The following PRKCB variants were observed in gnomAD, a reference collection of about 807,000 sequenced individuals.
PRKCB encodes the protein protein kinase C beta, also known as protein kinase C beta type.
PRKCB carries 13 observed loss-of-function variants against 81.5 expected under a neutral mutation model. The observed-to-expected ratio is 0.16, with a 90% CI of 0.10 to 0.25. The LOEUF (loss-of-function observed/expected upper bound fraction) is 0.25. Ranked by LOEUF, PRKCB falls within the 10% of genes least tolerant of loss-of-function variation. The pLI is 1.00. For missense variants in PRKCB, 509 were observed against 875.7 expected (o/e 0.58, Z 5.29); for synonymous variants, 335 against 321.4 (o/e 1.04, Z -0.45).
chr16:24,219,275 A>T lies in PRKCB; in HGVS notation c.*4459A>T. 1 of 929,532 alleles carries T rather than the reference A, an allele frequency of 1.1e-6. No homozygotes were observed. Among genetic ancestry groups the T allele is most frequent in the African/African-American group, 2.9e-5 (1 of 34,490 alleles). 57.6% of individuals were successfully genotyped at this position (929,532 alleles called of 1,614,324 possible). A position where few individuals can be genotyped will look rare whatever the true frequency, so the allele number is the denominator to read the frequency against. On this transcript the variant is annotated 3_prime_UTR_variant, in exon 17 of 17. Coordinates refer to ENST00000643927, the MANE Select transcript of PRKCB (RefSeq NM_002738.7). ...GTTTTGTTTTGTTTTGTTTTGTTTTAAGGCTCCCCTTACACACCCTCCTTT... is the reference window on the plus strand; with the variant it reads ...GTTTTGTTTTGTTTTGTTTTGTTTTTAGGCTCCCCTTACACACCCTCCTTT...
rs763892410 is a variant in PRKCB, at chr16:24,154,663, C to T, written c.1066-21C>T. The T allele has an allele frequency of 8.7e-6, 14 of 1,613,204 alleles. No homozygotes were observed. In the Admixed American group the frequency reaches 1.7e-4, roughly 19 times the overall value. On this transcript the variant is annotated intron_variant, in intron 9 of 16. Transcript: ENST00000643927. ...CCCAGACTCCTTCCAACTGCCCTGA[C>T]ATGCTTGCTCTCTTTCCCAGGTCAT...
chr16:24,027,655 C>T (rs1287102560), intron 3 of PRKCB, among the ~76,000 whole-genome samples: 1 of 152,178 alleles, frequency 6.6e-6, no homozygotes, highest in Non-Finnish European at 1.5e-5. Flanking sequence ...AGGGTGGGAA[C>T]GTTGTGAAAG....
chr16:24,214,606 G>T (rs889085795), intron 16 of PRKCB, 52 bp from the exon 17 acceptor site: 6 of 1,499,662 alleles, frequency 4.0e-6, no homozygotes, highest in Non-Finnish European at 5.5e-6. Context: ...TTTGGCTTTT[G>T]TTTTTGTTTT....
intron 3 of PRKCB, among the ~76,000 whole-genome samples, chr16:24,000,646 G>A (rs1379673943): frequency 3.9e-5 from 6 of 152,136 alleles, no homozygotes; most frequent in African/African-American, 1.4e-4. Flanking sequence ...AAAGCGCTTG[G>A]CACAGTGCAT....
At chr16:24,101,298 G>A (rs936250221) in intron 7 of PRKCB, among the ~76,000 whole-genome samples, 10 of 152,156 alleles carry the variant, frequency 6.6e-5, no homozygotes, top group African/African-American at 1.7e-4. Flanking sequence ...TGTAATCCCC[G>A]CACTTTGGGA....
chr16:24,060,191 A>C (rs1019032277), intron 5 of PRKCB, among the ~76,000 whole-genome samples: 2 of 152,194 alleles, frequency 1.3e-5, no homozygotes, highest in Non-Finnish European at 2.9e-5. Flanking sequence ...GCTCTGCCAC[A>C]TGCTGGCTGT....
At chr16:24,191,372 C>CA in intron 16 of PRKCB, 142 bp downstream of exon 16, 1 of 782,728 alleles carries the variant, frequency 1.3e-6, no homozygotes, top group Non-Finnish European at 1.9e-6. Context: ...CACATATGCA[C>CA]AAAATCACTG....
chr16:24,004,424 T>A (rs1222296744), intron 3 of PRKCB, among the ~76,000 whole-genome samples: 3 of 150,126 alleles, frequency 2.0e-5, no homozygotes, highest in South Asian at 2.1e-4. Flanking sequence ...AGCAGATCAC[T>A]TGAGCTCAGG....
At chr16:23,995,448 T>C (rs1331662700) in intron 3 of PRKCB, among the ~76,000 whole-genome samples, 2 of 152,140 alleles carry the variant, frequency 1.3e-5, no homozygotes, top group Non-Finnish European at 2.9e-5. Context: ...AGCACAAGTA[T>C]TTAAGATTTT....
intron 9 of PRKCB, among the ~76,000 whole-genome samples, chr16:24,138,033 G>A (rs2141941088): frequency 6.6e-6 from 1 of 152,304 alleles, no homozygotes; most frequent in African/African-American, 2.4e-5. Context: ...TGTGAAGTGG[G>A]TGCTGTTATT....
intron 2 of PRKCB, among the ~76,000 whole-genome samples, chr16:23,883,282 G>A (rs776785675): frequency 2.0e-5 from 3 of 152,200 alleles, no homozygotes; most frequent in Admixed American, 6.5e-5. Flanking sequence ...GGTGACAGGT[G>A]ACCTGAGAAC....
chr16:23,901,363 C>A (rs994789874), intron 2 of PRKCB, among the ~76,000 whole-genome samples: 1 of 151,958 alleles, frequency 6.6e-6, no homozygotes, highest in East Asian at 1.9e-4. Context: ...GTTAACTCAA[C>A]GGGGGCGCCT....
intron 5 of PRKCB, among the ~76,000 whole-genome samples, chr16:24,060,825 C>G (rs1201844016): frequency 3.3e-5 from 5 of 152,208 alleles, no homozygotes; most frequent in African/African-American, 1.2e-4. Context: ...TTCAGTTTCT[C>G]GATTTCATCC....
rs181332585 is a variant in PRKCB at position 24,179,522 on chromosome 16, A to G, written c.1395-1268A>G. ...CAGCCTTGCTCACTGGTGCAGAAAT[A>G]TAAAGCATTGACATTGGAGTAGGTG... is the stretch of plus-strand genomic sequence containing the variant. On this transcript the variant is annotated intron_variant, in intron 12 of 16. Transcript: ENST00000643927. Among the ~76,000 whole-genome samples the G allele has an allele frequency of 2.3e-3, 349 of 152,366 alleles. 4 individuals carry two copies. The highest frequency in any genetic ancestry group is 3.4e-3 in the Middle Eastern group (1 of 294).
chr16:24,009,453 CT>C (rs1332082635), intron 3 of PRKCB, among the ~76,000 whole-genome samples: 2 of 145,674 alleles, frequency 1.4e-5, no homozygotes, highest in Non-Finnish European at 1.5e-5. Context: ...GAGATGGAGT[CT>C]TGCTCTGTTG....
intron 10 of PRKCB, among the ~76,000 whole-genome samples, chr16:24,168,557 T>C (rs1408223277): frequency 2.6e-5 from 3 of 117,412 alleles, no homozygotes; most frequent in African/African-American, 9.6e-5. Context: ...TTTTTTTTTT[T>C]TTTTTTTTTT....
chr16:24,023,934 A>G (rs1285464666), intron 3 of PRKCB, among the ~76,000 whole-genome samples: 1 of 152,116 alleles, frequency 6.6e-6, no homozygotes, highest in African/African-American at 2.4e-5. Context: ...GCAATTATAG[A>G]TATCTTGACT....
chr16:24,039,999 G>A (rs2141861101), intron 5 of PRKCB, among the ~76,000 whole-genome samples: 1 of 152,280 alleles, frequency 6.6e-6, no homozygotes. Flanking sequence ...GACCCAAGAA[G>A]CATGGTCAGT....
chr16:23,992,798 A>G (rs1258697632), intron 3 of PRKCB, among the ~76,000 whole-genome samples: 1 of 152,202 alleles, frequency 6.6e-6, no homozygotes, highest in Non-Finnish European at 1.5e-5. Context: ...AAGCAAGGGC[A>G]AGGGCATTGA....
Sources: gnomAD v4.1 joint callset for allele counts (sites outside exome capture counted in the v4.1 genomes callset) on GRCh38, gnomAD v4.1.1 for gene constraint, MANE v1.5 for transcripts, NCBI Gene and HGNC (gene_info 2026-07-23, HGNC 2026-07-21) for gene names.